Variants in CACNA2D1 observed in about 807,000 individuals in gnomAD.
The protein encoded by CACNA2D1 is calcium voltage-gated channel auxiliary subunit alpha2delta 1.
A neutral mutation model predicts 171.5 loss-of-function variants in CACNA2D1; 53 were observed. The ratio of observed to expected loss-of-function variants is 0.31; its 90% CI spans 0.25 to 0.39. The LOEUF is 0.39. Among genes scored for constraint, CACNA2D1 ranks in the 10% least tolerant of loss-of-function variants. The pLI is 1.00. For synonymous variants in CACNA2D1, 442 were observed against 443.1 expected (o/e 1.00, Z 0.03); for missense variants, 903 against 1,299.8 (o/e 0.69, Z 4.69).
At chr7:81,959,548 C>A (rs1305559602) in intron 37 of CACNA2D1, among the ~76,000 whole-genome samples, 172 bp downstream of exon 37, 1 of 152,018 alleles carries the variant, frequency 6.6e-6, no homozygotes. Flanking sequence ...GCATGTGTAG[C>A]ATAATTATTC....
At chr7:82,081,977 T>A (rs1454415585) in intron 7 of CACNA2D1, among the ~76,000 whole-genome samples, 1 of 152,216 alleles carries the variant, frequency 6.6e-6, no homozygotes, top group Non-Finnish European at 1.5e-5. Context: ...CATGGTGGAC[T>A]CTGGCACCTC....
intron 4 of CACNA2D1, among the ~76,000 whole-genome samples, chr7:82,161,390 T>C (rs1041374583): frequency 7.9e-5 from 12 of 152,040 alleles, no homozygotes; most frequent in African/African-American, 2.9e-4. Flanking sequence ...TACCAAAGAA[T>C]AGTGGAGTGG....
At chr7:82,385,404 G>T (rs1824221119) in intron 1 of CACNA2D1, among the ~76,000 whole-genome samples, 1 of 152,112 alleles carries the variant, frequency 6.6e-6, no homozygotes, top group Admixed American at 6.5e-5. Flanking sequence ...TTCCACTGAT[G>T]CTCATGACGA....
chr7:81,960,775 A>ATGTCTGTGAAACTCTG, intron 36 of CACNA2D1, among the ~76,000 whole-genome samples: 1 of 151,754 alleles, frequency 6.6e-6, no homozygotes, highest in East Asian at 1.9e-4. Context: ...TAAAAGGCCA[A>ATGTCTGTGAAACTCTG]TGTCTGTGAA....
At position 81,971,847 on chromosome 7, in the gene CACNA2D1, T is replaced by C. The variant is rs752882599; in HGVS notation, c.2071A>G (p.Asn691Asp). ...NNPSCNADLI[N>D]RVLLDAGFTN... Reference sequence around the variant, plus strand: ...AAGCCTGCATCAAGCAAGACTCTATTAATCAAATCCGCGTTACCTAACACA... The same window carrying C: ...AAGCCTGCATCAAGCAAGACTCTATCAATCAAATCCGCGTTACCTAACACA... Residue 691 changes from asparagine (N) to aspartate (D), a missense_variant, in exon 26 of 39, where the codon AAT becomes GAT. Physicochemically the swap from Asn to Asp is conservative, Grantham distance 23 (BLOSUM62 1). Transcript: ENST00000356860. 4 of 1,605,856 alleles carry C rather than the reference T, an allele frequency of 2.5e-6. No homozygotes were observed. Among genetic ancestry groups the C allele is most frequent in the Non-Finnish European group, 3.4e-6 (4 of 1,173,240 alleles).
chr7:82,293,856 G>A (rs1367843521), intron 3 of CACNA2D1, among the ~76,000 whole-genome samples: 1 of 152,108 alleles, frequency 6.6e-6, no homozygotes, highest in Admixed American at 6.5e-5. Context: ...AAATCTTCCA[G>A]AGATATGAGG....
At chr7:82,243,031 C>G (rs947189969) in intron 3 of CACNA2D1, among the ~76,000 whole-genome samples, 2 of 151,994 alleles carry the variant, frequency 1.3e-5, no homozygotes, top group Non-Finnish European at 2.9e-5. Flanking sequence ...CAACTCTGGA[C>G]AGTTTATGTT....
chr7:82,267,250 T>C (rs76659811), intron 3 of CACNA2D1, among the ~76,000 whole-genome samples: 4,666 of 152,318 alleles, frequency 0.031, 219 homozygotes, highest in African/African-American at 0.11. Context: ...GGATAAGCAC[T>C]TTTTATATGT....
intron 3 of CACNA2D1, among the ~76,000 whole-genome samples, chr7:82,276,282 G>C (rs143538163): frequency 3.7e-4 from 57 of 152,332 alleles, no homozygotes; most frequent in African/African-American, 1.3e-3. Flanking sequence ...TCACATCCAA[G>C]TAGAGAAATC....
At chr7:82,249,089 C>A (rs1312208154) in intron 3 of CACNA2D1, among the ~76,000 whole-genome samples, 2 of 150,772 alleles carry the variant, frequency 1.3e-5, no homozygotes, top group Non-Finnish European at 2.9e-5. Flanking sequence ...GCACTCCAGC[C>A]TGGGTGACAG....
intron 3 of CACNA2D1, among the ~76,000 whole-genome samples, chr7:82,178,258 T>A (rs1258383373): frequency 5.3e-5 from 8 of 152,106 alleles, no homozygotes; most frequent in Non-Finnish European, 1.2e-4. Flanking sequence ...AAGCTTCAAA[T>A]CTAATCTTCA....
intron 3 of CACNA2D1, among the ~76,000 whole-genome samples, chr7:82,173,308 C>T (rs915021147): frequency 1.3e-5 from 2 of 151,900 alleles, no homozygotes; most frequent in African/African-American, 2.4e-5. Context: ...AAAGTAAATG[C>T]CCTGTATTGC....
In CACNA2D1 at chr7:81,967,169, G is replaced by T; in HGVS notation, c.2502C>A (p.Asp834Glu). 1 of 1,603,320 alleles carries T rather than the reference G, an allele frequency of 6.2e-7. No individual in the cohort carries two copies. Among genetic ancestry groups the T allele is most frequent in the Non-Finnish European group, 8.5e-7 (1 of 1,171,830 alleles). The change falls in exon 31 of 39, where the codon GAC (aspartate) becomes GAA (glutamate). Residue 834 changes from aspartate to glutamate, a missense_variant and splice_region_variant. Around this residue, in one of 5 missense-constraint regions of CACNA2D1, gnomAD observed 623 missense variants for 925.5 expected, o/e 0.67. Transcript: ENST00000356860. ...GPVCDCKRNS[D>E]VMDCVILDDG... is the part of the protein sequence containing the mutation. ...AAGTGATTTTAAATAGTTTTCTTAC[G>T]TCACTGTTTCTTTTGCAGTCACAAA...
chr7:82,395,955 C>A (rs1281188668), intron 1 of CACNA2D1, among the ~76,000 whole-genome samples: 1 of 152,098 alleles, frequency 6.6e-6, no homozygotes, highest in Non-Finnish European at 1.5e-5. Flanking sequence ...TGTGAAAATC[C>A]TATGCAGACT....
At chr7:82,014,337 C>T (rs1800162648) in intron 13 of CACNA2D1, 64 bp downstream of exon 13, 2 of 833,800 alleles carry the variant, frequency 2.4e-6, no homozygotes, top group Non-Finnish European at 4.2e-6. Flanking sequence ...TAAATAAGTA[C>T]ACCTAATAAC....
chr7:82,260,302 T>C (rs746914628), intron 3 of CACNA2D1, among the ~76,000 whole-genome samples: 9 of 152,152 alleles, frequency 5.9e-5, no homozygotes, highest in Non-Finnish European at 1.2e-4. Context: ...TAGTTATTAT[T>C]AACAATATGA....
intron 1 of CACNA2D1, among the ~76,000 whole-genome samples, chr7:82,429,670 A>G (rs757847): frequency 0.66 from 99,582 of 151,996 alleles, 33,668 homozygotes; most frequent in African/African-American, 0.82. Context: ...ATCACGCATG[A>G]TTTGGTCTGT....
chr7:82,040,412 AG>A (rs1388514257), intron 10 of CACNA2D1, among the ~76,000 whole-genome samples: 18 of 150,268 alleles, frequency 1.2e-4, no homozygotes, highest in African/African-American at 4.4e-4. Flanking sequence ...TAACATTTAA[AG>A]CATGAGGCTC....
intron 17 of CACNA2D1, 78 bp from the exon 18 acceptor site, chr7:82,005,575 G>T: frequency 1.1e-6 from 1 of 948,996 alleles, no homozygotes; most frequent in Non-Finnish European, 1.7e-6. Flanking sequence ...AATACATAAT[G>T]TATTAAATAC....
Sources: gnomAD v4.1 joint callset for allele counts (sites outside exome capture counted in the v4.1 genomes callset) on GRCh38, gnomAD v4.1.1 for gene constraint, gnomAD v4.1.1 regional missense constraint, MANE v1.5 for transcripts, NCBI Gene and HGNC (gene_info 2026-07-23, HGNC 2026-07-21) for gene names.